ADAMTS9: variants seen among roughly 807,000 people sequenced by gnomAD.
ADAMTS9 encodes ADAM metallopeptidase with thrombospondin type 1 motif 9.
A neutral mutation model predicts 257.1 loss-of-function variants in ADAMTS9; 107 were observed. The observed-to-expected ratio is 0.42, with a 90% CI of 0.36 to 0.49. ADAMTS9 has a LOEUF of 0.49. Among genes scored for constraint, ADAMTS9 ranks in the 20% least tolerant of loss-of-function variants. The pLI is 0.03. For missense variants in ADAMTS9, 2,353 were observed against 2,469.1 expected, an observed-to-expected ratio of 0.95 and a Z score of 1.00; for synonymous variants, 982 against 880.9, an observed-to-expected ratio of 1.11 and a Z score of -2.03.
At chr3:64,568,340 C>G in intron 29 of ADAMTS9, 28 bp downstream of exon 29, 1 of 1,583,260 alleles carries the variant, frequency 6.3e-7, no homozygotes, top group Non-Finnish European at 8.6e-7. Context: ...CGTAAGGAAG[C>G]AGTCAGTAGA....
At chr3:64,524,087 T>C (rs919656789) in intron 38 of ADAMTS9, among the ~76,000 whole-genome samples, 10 of 152,222 alleles carry the variant, frequency 6.6e-5, no homozygotes, top group African/African-American at 2.4e-4. Flanking sequence ...ACACTTCCCA[T>C]GCTGTCAAAA....
At chr3:64,561,853 A>G (rs904292542) in intron 29 of ADAMTS9, 102 bp from the exon 30 acceptor site, 8 of 1,000,522 alleles carry the variant, frequency 8.0e-6, no homozygotes, top group Non-Finnish European at 8.9e-6. Flanking sequence ...CTCCTAATCC[A>G]ATGACTTTCA....
At chr3:64,585,430 T>C (rs952502595) in intron 28 of ADAMTS9, among the ~76,000 whole-genome samples, 1 of 152,164 alleles carries the variant, frequency 6.6e-6, no homozygotes, top group African/African-American at 2.4e-5. Context: ...CCAATGGGAA[T>C]GAATAAGACA....
chr3:64,673,053 C>A (rs1274969585), intron 3 of ADAMTS9, among the ~76,000 whole-genome samples: 1 of 152,094 alleles, frequency 6.6e-6, no homozygotes, highest in African/African-American at 2.4e-5. Flanking sequence ...AGCCTAGGAA[C>A]AATAGGCTAT....
At chr3:64,619,373 A>T (rs1224278126) in intron 19 of ADAMTS9, among the ~76,000 whole-genome samples, 1 of 152,194 alleles carries the variant, frequency 6.6e-6, no homozygotes, top group Non-Finnish European at 1.5e-5. Context: ...TCCATGAGTA[A>T]CACTCATCGT....
chr3:64,600,047 T>G (rs866445785), intron 26 of ADAMTS9, among the ~76,000 whole-genome samples: 3 of 134,274 alleles, frequency 2.2e-5, no homozygotes, highest in Non-Finnish European at 3.1e-5. Flanking sequence ...AGTCAGTTTC[T>G]GTTCTTTTTT....
chr3:64,633,602 A>T lies in ADAMTS9; in HGVS notation c.2045T>A (p.Met682Lys), dbSNP rs753218789. 1.8e-5 allele frequency: 29 copies of T among 1,614,008 alleles called. No homozygotes were observed. The highest frequency in any genetic ancestry group is 2.1e-5 in the Non-Finnish European group (25 of 1,180,026). Residue 682 changes from methionine (M) to lysine (K), a missense_variant, in exon 14 of 40, where the codon ATG (methionine) becomes AAG (lysine). Transcript: ENST00000498707. Reference sequence around the variant, plus strand: ...GCAGAACAACTTGCACCGGTCCTTCATCAGAACTAGAGAGGAGAAACAATA... The same window carrying T: ...GCAGAACAACTTGCACCGGTCCTTCTTCAGAACTAGAGAGGAGAAACAATA... The part of the protein sequence containing the change: ...RWVPKYSGIL[M>K]KDRCKLFCRV...
intron 3 of ADAMTS9, among the ~76,000 whole-genome samples, chr3:64,664,090 C>T (rs1420090671): frequency 6.6e-6 from 1 of 151,998 alleles, no homozygotes; most frequent in Non-Finnish European, 1.5e-5. Flanking sequence ...TAGTATAATG[C>T]TAAAGGAGGA....
At chr3:64,628,822 T>C (rs962495348) in intron 16 of ADAMTS9, among the ~76,000 whole-genome samples, 21 of 152,300 alleles carry the variant, frequency 1.4e-4, no homozygotes, top group Middle Eastern at 3.4e-3. Flanking sequence ...TGTTCAACAA[T>C]TCAGCAATCA....
At chr3:64,563,902 G>A (rs974896674) in intron 29 of ADAMTS9, among the ~76,000 whole-genome samples, 4 of 152,162 alleles carry the variant, frequency 2.6e-5, no homozygotes, top group Non-Finnish European at 5.9e-5. Flanking sequence ...TTTTCTTCCT[G>A]TGCTATCTCA....
intron 4 of ADAMTS9, among the ~76,000 whole-genome samples, chr3:64,657,263 A>G (rs981348145): frequency 3.3e-5 from 5 of 152,216 alleles, no homozygotes; most frequent in African/African-American, 1.2e-4. Context: ...AAAAAATGTG[A>G]AATATCTCAT....
At chr3:64,641,806 C>G (rs753722821) in intron 12 of ADAMTS9, 42 bp downstream of exon 12, 1 of 1,605,356 alleles carries the variant, frequency 6.2e-7, no homozygotes, top group South Asian at 1.1e-5. Flanking sequence ...ATTTCATGTT[C>G]CTGCCACGGC....
intron 38 of ADAMTS9, among the ~76,000 whole-genome samples, chr3:64,530,172 G>C (rs1397392976): frequency 6.6e-6 from 1 of 151,890 alleles, no homozygotes; most frequent in Non-Finnish European, 1.5e-5. Context: ...AAGCACTCCT[G>C]AGTTTGAGAA....
At chr3:64,642,792 C>A (rs534092253) in intron 11 of ADAMTS9, among the ~76,000 whole-genome samples, 2 of 152,112 alleles carry the variant, frequency 1.3e-5, no homozygotes, top group Non-Finnish European at 2.9e-5. Flanking sequence ...GCGGCTCGCT[C>A]AGATCTCTGA....
intron 38 of ADAMTS9, among the ~76,000 whole-genome samples, chr3:64,523,068 C>A (rs562176422): frequency 3.3e-5 from 5 of 152,056 alleles, no homozygotes; most frequent in Admixed American, 1.3e-4. Context: ...TTCCAAGTTG[C>A]TCATTTGTTA....
intron 29 of ADAMTS9, among the ~76,000 whole-genome samples, chr3:64,566,825 T>C (rs2083556805): frequency 6.6e-6 from 1 of 151,258 alleles, no homozygotes; most frequent in South Asian, 2.1e-4. Flanking sequence ...TCTTAAATAA[T>C]GCTAGCTGCA....
At chr3:64,539,113 T>C in intron 37 of ADAMTS9, 90 bp downstream of exon 37, 1 of 1,335,864 alleles carries the variant, frequency 7.5e-7, no homozygotes, top group Non-Finnish European at 1.1e-6. Flanking sequence ...ACTGTTCTAA[T>C]CACATTCCCA....
chr3:64,621,458 A>G (rs1700102536), intron 18 of ADAMTS9, among the ~76,000 whole-genome samples: 1 of 152,030 alleles, frequency 6.6e-6, no homozygotes, highest in African/African-American at 2.4e-5. Context: ...TTCCAATAAA[A>G]CTTTATTTGT....
intron 23 of ADAMTS9, among the ~76,000 whole-genome samples, chr3:64,605,371 T>G (rs1178073508): frequency 1.3e-5 from 2 of 152,140 alleles, no homozygotes; most frequent in African/African-American, 4.8e-5. Context: ...TTTGGAACAT[T>G]TCAATAAAAT....
Sources: gnomAD v4.1 joint callset for allele counts (sites outside exome capture counted in the v4.1 genomes callset) on GRCh38, gnomAD v4.1.1 for gene constraint, MANE v1.5 for transcripts, NCBI Gene and HGNC (gene_info 2026-07-23, HGNC 2026-07-21) for gene names.